OXR1: variants seen among roughly 807,000 people sequenced by gnomAD.
OXR1 encodes the protein oxidation resistance protein 1.
A neutral mutation model predicts 104.6 loss-of-function variants in OXR1; 41 were observed. The ratio of observed to expected loss-of-function variants is 0.39; its 90% CI spans 0.31 to 0.51. OXR1 has a LOEUF of 0.51. OXR1 is among the 20% of genes least tolerant of loss of function. The probability of loss-of-function intolerance (pLI) is 0.77; values close to 1 mark genes in which losing one functional copy is unlikely to be tolerated. For missense variants in OXR1, 955 were observed against 1,031.9 expected, an observed-to-expected ratio of 0.93 and a Z score of 1.02; for synonymous variants, 348 against 348.4, an observed-to-expected ratio of 1.00 and a Z score of 0.01.
chr8:106,291,522 A>T (rs1204899209), intron 1 of OXR1, among the ~76,000 whole-genome samples: 2 of 152,260 alleles, frequency 1.3e-5, no homozygotes, highest in African/African-American at 4.8e-5. Flanking sequence ...AAGCACATAC[A>T]GCAGTCTCCC....
At chr8:106,732,336 C>A (rs558467505) in intron 11 of OXR1, among the ~76,000 whole-genome samples, 1 of 152,152 alleles carries the variant, frequency 6.6e-6, no homozygotes, top group Non-Finnish European at 1.5e-5. Flanking sequence ...TTATCTCTTT[C>A]TTCCCTATTT....
chr8:106,675,445 G>A (rs184069486), intron 3 of OXR1, among the ~76,000 whole-genome samples: 23 of 152,152 alleles, frequency 1.5e-4, no homozygotes, highest in Admixed American at 1.4e-3. Context: ...CATCTTATAA[G>A]TTTCCCTCTT....
chr8:106,408,945 G>A (rs1055763987), intron 2 of OXR1, among the ~76,000 whole-genome samples: 7 of 152,116 alleles, frequency 4.6e-5, no homozygotes, highest in Admixed American at 1.3e-4. Context: ...CGTCAGGCAC[G>A]CGGATGATCA....
At chr8:106,552,805 G>A (rs1242126733) in intron 3 of OXR1, among the ~76,000 whole-genome samples, 1 of 152,116 alleles carries the variant, frequency 6.6e-6, no homozygotes, top group Non-Finnish European at 1.5e-5. Flanking sequence ...AAGTTCATTT[G>A]TATGAATATT....
intron 1 of OXR1, among the ~76,000 whole-genome samples, chr8:106,279,896 AC>A (rs1429313421): frequency 6.6e-6 from 1 of 152,212 alleles, no homozygotes. Context: ...GAAGAGCAGG[AC>A]CTTGGACAGG....
rs981156931 is a variant in OXR1, at chr8:106,551,795, T to C, written c.220+32656T>C. On this transcript the variant is annotated intron_variant, in intron 3 of 16. Transcript: ENST00000517566. The stretch of plus-strand genomic sequence containing the variant: ...AGACCCTGTCTCCACTATACATATA[T>C]ATATATATATATATATATACACACA... 5.4e-5 allele frequency among the ~76,000 whole-genome samples: 7 copies of C among 128,896 alleles called. No homozygotes were observed. In the East Asian group the frequency reaches 7.3e-4, roughly 13 times the overall value. 84.6% of individuals were successfully genotyped at this position (128,896 alleles called of 152,430 possible).
At chr8:106,448,855 C>T (rs1391705774) in intron 2 of OXR1, among the ~76,000 whole-genome samples, 1 of 152,038 alleles carries the variant, frequency 6.6e-6, no homozygotes, top group South Asian at 2.1e-4. Context: ...TTTTCTTTTT[C>T]GTTATTTCTG....
At chr8:106,474,755 T>C (rs1220245389) in intron 2 of OXR1, among the ~76,000 whole-genome samples, 1 of 151,926 alleles carries the variant, frequency 6.6e-6, no homozygotes, top group Non-Finnish European at 1.5e-5. Context: ...AGAAAAGCTT[T>C]TCCAACCCTT....
chr8:106,371,895 A>G (rs942230121), intron 2 of OXR1, among the ~76,000 whole-genome samples: 7 of 152,226 alleles, frequency 4.6e-5, no homozygotes, highest in Non-Finnish European at 8.8e-5. Flanking sequence ...CCAGCAGGGG[A>G]AAAGCACAGC....
At chr8:106,302,143 C>G (rs1813260773) in intron 1 of OXR1, among the ~76,000 whole-genome samples, 1 of 152,142 alleles carries the variant, frequency 6.6e-6, no homozygotes. Flanking sequence ...ATTTTCTAGT[C>G]TATTGTCAGT....
chr8:106,417,023 G>C (rs535871602), intron 2 of OXR1, among the ~76,000 whole-genome samples: 9 of 152,170 alleles, frequency 5.9e-5, no homozygotes, highest in African/African-American at 2.2e-4. Context: ...TAAGAAGGAA[G>C]AATGAGTACT....
In OXR1 at chr8:106,720,991, A is replaced by G. The variant is rs138712965; in HGVS notation, c.1956+7006A>G. Among the ~76,000 whole-genome samples the G allele has an allele frequency of 5.8e-3, 890 of 152,286 alleles. 2 individuals carry two copies. The highest frequency in any genetic ancestry group is 9.4e-3 in the Non-Finnish European group (638 of 68,020). The stretch of plus-strand genomic sequence containing the variant: ...TAATACTGTAAGTTGAATCGCTTTT[A>G]TCCTGCCATCATTTATCATGAGACA... On this transcript the variant is annotated intron_variant, in intron 11 of 16. Coordinates refer to ENST00000517566, the MANE Select transcript of OXR1 (RefSeq NM_001198533.2).
chr8:106,371,255 A>G (rs1163021661), intron 2 of OXR1, among the ~76,000 whole-genome samples: 2 of 151,636 alleles, frequency 1.3e-5, no homozygotes, highest in African/African-American at 4.8e-5. Context: ...ATATCCCTTT[A>G]TCTTTTTTTA....
At chr8:106,483,948 A>C (rs1822291377) in intron 2 of OXR1, among the ~76,000 whole-genome samples, 1 of 152,136 alleles carries the variant, frequency 6.6e-6, no homozygotes, top group Non-Finnish European at 1.5e-5. Context: ...AATTTGAATC[A>C]CTTGTTAGTC....
intron 2 of OXR1, among the ~76,000 whole-genome samples, chr8:106,495,570 G>A (rs1315839968): frequency 6.6e-6 from 1 of 152,162 alleles, no homozygotes; most frequent in African/African-American, 2.4e-5. Flanking sequence ...TCTACGTTTT[G>A]TAAATTCCAA....
intron 2 of OXR1, among the ~76,000 whole-genome samples, chr8:106,362,058 G>T (rs1279142012): frequency 2.0e-5 from 3 of 152,158 alleles, no homozygotes; most frequent in Admixed American, 2.0e-4. Context: ...GGATCCACCT[G>T]CTAAACACAG....
intron 1 of OXR1, among the ~76,000 whole-genome samples, chr8:106,332,099 G>A (rs983312418): frequency 2.7e-5 from 4 of 149,446 alleles, no homozygotes; most frequent in African/African-American, 9.8e-5. Flanking sequence ...CATAAAATAA[G>A]TGATAAATTT....
At chr8:106,729,875 A>G (rs1457332043) in intron 11 of OXR1, 1 of 152,154 alleles carries the variant, frequency 6.6e-6, no homozygotes, top group African/African-American at 2.4e-5. Flanking sequence ...GTTGAAAAGC[A>G]TATATCTTAT....
At chr8:106,699,861 A>G (rs1318667645) in intron 7 of OXR1, among the ~76,000 whole-genome samples, 1 of 152,174 alleles carries the variant, frequency 6.6e-6, no homozygotes, top group African/African-American at 2.4e-5. Context: ...TTATGTAACA[A>G]TTATGGAAAC....
Sources: allele counts gnomAD v4.1 joint callset (sites outside exome capture counted in the v4.1 genomes callset), GRCh38; gene constraint gnomAD v4.1.1; transcripts MANE v1.5; gene names NCBI Gene and HGNC (gene_info 2026-07-23, HGNC 2026-07-21).